Variants in FNDC3A observed in about 807,000 individuals in gnomAD.
FNDC3A encodes fibronectin type-III domain-containing protein 3A.
A neutral mutation model predicts 148.9 loss-of-function variants in FNDC3A; 32 were observed. That is an observed-to-expected ratio of 0.21 (90% CI 0.16 to 0.29). The LOEUF (loss-of-function observed/expected upper bound fraction) is 0.29, where lower values mean the gene tolerates loss of function less well. Ranked by LOEUF, FNDC3A falls within the 10% of genes least tolerant of loss-of-function variation. FNDC3A has a pLI of 1.00. For missense variants in FNDC3A, 1,191 were observed against 1,452.8 expected, an observed-to-expected ratio of 0.82 and a Z score of 2.93; for synonymous variants, 472 against 473.6, an observed-to-expected ratio of 1.00 and a Z score of 0.04.
chr13:49,183,478 G>A (rs1885405955), intron 14 of FNDC3A, among the ~76,000 whole-genome samples: 1 of 152,150 alleles, frequency 6.6e-6, no homozygotes, highest in South Asian at 2.1e-4. Context: ...GTAAAATTTG[G>A]GTGGGGGGAG....
At chr13:49,031,985 T>G (rs571282112) in intron 2 of FNDC3A, among the ~76,000 whole-genome samples, 1 of 152,156 alleles carries the variant, frequency 6.6e-6, no homozygotes, top group Non-Finnish European at 1.5e-5. Context: ...GGCAAAAGAT[T>G]TGAAAAGTCA....
intron 3 of FNDC3A, among the ~76,000 whole-genome samples, chr13:49,087,988 A>G (rs1044237841): frequency 1.3e-5 from 2 of 152,252 alleles, no homozygotes; most frequent in Admixed American, 6.5e-5. Flanking sequence ...TCTCCTTAGA[A>G]TGCTATGATC....
chr13:49,124,999 G>GT (rs982230202), intron 4 of FNDC3A, among the ~76,000 whole-genome samples: 3 of 152,072 alleles, frequency 2.0e-5, no homozygotes, highest in Non-Finnish European at 4.4e-5. Flanking sequence ...TCCCTTAACT[G>GT]TTTTTTTATA....
chr13:49,005,935 TACTG>T (rs1952212767), intron 1 of FNDC3A, among the ~76,000 whole-genome samples: 1 of 151,940 alleles, frequency 6.6e-6, no homozygotes, highest in Non-Finnish European at 1.5e-5. Flanking sequence ...CATATAAACT[TACTG>T]ACTACTTTGA....
chr13:49,117,639 G>A (rs1463652923), intron 4 of FNDC3A, among the ~76,000 whole-genome samples: 2 of 151,994 alleles, frequency 1.3e-5, no homozygotes, highest in Non-Finnish European at 2.9e-5. Context: ...AACACGTACA[G>A]ACTTTCTTGT....
intron 2 of FNDC3A, among the ~76,000 whole-genome samples, chr13:49,007,708 T>C (rs933554450): frequency 1.3e-5 from 2 of 152,086 alleles, no homozygotes; most frequent in African/African-American, 2.4e-5. Flanking sequence ...ATGGCTATCA[T>C]GTAACAGTAA....
intron 23 of FNDC3A, among the ~76,000 whole-genome samples, chr13:49,199,959 A>G (rs1886349375): frequency 6.6e-6 from 1 of 152,208 alleles, no homozygotes; most frequent in Admixed American, 6.5e-5. Context: ...CATGTATTTT[A>G]ATTACAGTGT....
chr13:49,063,360 A>T (rs3012128), intron 2 of FNDC3A, among the ~76,000 whole-genome samples: 10,046 of 148,972 alleles, frequency 0.067, 523 homozygotes, highest in African/African-American at 0.15. Flanking sequence ...TTTTTTTTTT[A>T]AAATAATCAT....
chr13:49,187,046 T>C (rs1885612841), intron 15 of FNDC3A, 76 bp from the exon 16 acceptor site: 4 of 1,074,798 alleles, frequency 3.7e-6, no homozygotes, highest in South Asian at 3.0e-5. Context: ...AGTTTGGTAT[T>C]CTGTTTATTA....
At chr13:49,123,483 C>G (rs1453437013) in intron 4 of FNDC3A, among the ~76,000 whole-genome samples, 1 of 151,912 alleles carries the variant, frequency 6.6e-6, no homozygotes, top group East Asian at 1.9e-4. Context: ...CAACAAAAGC[C>G]AAAATTGACA....
In FNDC3A at chr13:49,174,504, T is replaced by G. The variant is rs531511231; in HGVS notation, c.1300T>G (p.Ser434Ala). ...SQKQFKITKLSPAMGCKFRLS... is the reference protein window; with the variant it reads ...SQKQFKITKLAPAMGCKFRLS... ...GAAACAATTTAAAATTACTAAACTT[T>G]CACCAGCAATGGGCTGTAAATTCAG... Residue 434 changes from serine (S) to alanine (A), a missense_variant, in exon 12 of 26, where the codon TCA becomes GCA. This residue lies in a region of FNDC3A where 751 missense variants were observed against 944.0 expected (regional missense o/e 0.80). Coordinates refer to ENST00000492622, the MANE Select transcript of FNDC3A (RefSeq NM_001079673.2). 7.4e-6 allele frequency: 12 copies of G among 1,612,692 alleles called. No homozygotes were observed. The South Asian group carries it at 1.1e-4, about 15-fold the overall frequency.
At chr13:49,086,925 C>T (rs1340414073) in intron 3 of FNDC3A, among the ~76,000 whole-genome samples, 3 of 152,050 alleles carry the variant, frequency 2.0e-5, no homozygotes, top group Non-Finnish European at 4.4e-5. Flanking sequence ...AAATTCAGCC[C>T]ATTTCAATTT....
chr13:49,174,083 C>T (rs1593705472), intron 11 of FNDC3A, among the ~76,000 whole-genome samples: 2 of 152,180 alleles, frequency 1.3e-5, no homozygotes, highest in East Asian at 3.9e-4. Context: ...TGAAAAAAGC[C>T]GCCAGTTGAC....
intron 20 of FNDC3A, 32 bp from the exon 21 acceptor site, chr13:49,197,693 A>C: frequency 6.3e-7 from 1 of 1,580,906 alleles, no homozygotes. Context: ...CAACATCAAG[A>C]CTAAGACCTT....
intron 4 of FNDC3A, among the ~76,000 whole-genome samples, chr13:49,125,860 A>G (rs1028295475): frequency 1.3e-5 from 2 of 151,394 alleles, no homozygotes; most frequent in Admixed American, 6.6e-5. Context: ...ATAAAGGAAG[A>G]AAAAAAAACA....
intron 1 of FNDC3A, among the ~76,000 whole-genome samples, chr13:49,004,818 C>T (rs1439517440): frequency 6.6e-6 from 1 of 151,666 alleles, no homozygotes; most frequent in East Asian, 1.9e-4. Context: ...CCCAAATTAG[C>T]TTCCTGGAAA....
intron 2 of FNDC3A, among the ~76,000 whole-genome samples, chr13:49,024,002 A>G (rs1873518440): frequency 1.3e-5 from 2 of 152,134 alleles, no homozygotes; most frequent in Middle Eastern, 3.4e-3. Context: ...TAGGCTAAGA[A>G]GAAAAAGAGA....
At chr13:49,157,739 A>G (rs1207956804) in intron 8 of FNDC3A, among the ~76,000 whole-genome samples, 14 of 124,536 alleles carry the variant, frequency 1.1e-4, no homozygotes, top group Admixed American at 2.5e-4. Flanking sequence ...TCCTTCTAAC[A>G]GACAGGACCC....
intron 2 of FNDC3A, among the ~76,000 whole-genome samples, chr13:49,048,774 T>C (rs923828774): frequency 3.3e-5 from 5 of 152,172 alleles, no homozygotes; most frequent in Admixed American, 6.5e-5. Context: ...AACAACATTT[T>C]GACTTCCTCT....
Sources: gnomAD v4.1 joint callset for allele counts (sites outside exome capture counted in the v4.1 genomes callset) on GRCh38, gnomAD v4.1.1 for gene constraint, gnomAD v4.1.1 regional missense constraint, MANE v1.5 for transcripts, NCBI Gene and HGNC (gene_info 2026-07-23, HGNC 2026-07-21) for gene names.